Variants in SMARCAD1 observed in about 807,000 individuals in gnomAD.
SMARCAD1 encodes SNF2 related chromatin remodeling ATPase with DExD box 1.
In SMARCAD1, 25 loss-of-function variants were observed where a neutral mutation model predicts 127.1. The ratio of observed to expected loss-of-function variants is 0.20; its 90% CI spans 0.14 to 0.27. The LOEUF (loss-of-function observed/expected upper bound fraction) is 0.27. SMARCAD1 is among the 10% of genes least tolerant of loss of function. The pLI, the probability that SMARCAD1 is intolerant of heterozygous loss-of-function variation, is 1.00. For missense variants in SMARCAD1, 807 were observed against 1,206.0 expected (o/e 0.67, Z 4.90); for synonymous variants, 400 against 396.9 (o/e 1.01, Z -0.09).
At chr4:94,244,789 TAC>T (rs1364356818) in intron 6 of SMARCAD1, among the ~76,000 whole-genome samples, 3 of 152,112 alleles carry the variant, frequency 2.0e-5, no homozygotes, top group South Asian at 2.1e-4. Context: ...TAAAAATTCT[TAC>T]AGTGTATCAA....
chr4:94,222,439 C>T (rs1424366306), intron 2 of SMARCAD1, among the ~76,000 whole-genome samples: 2 of 149,768 alleles, frequency 1.3e-5, no homozygotes, highest in African/African-American at 2.5e-5. Flanking sequence ...CTCACCCAGC[C>T]CCCCACCCCC....
chr4:94,291,265 G>A lies in SMARCAD1; in HGVS notation c.*1731G>A, dbSNP rs1478974235. The A allele has an allele frequency of 2.2e-6, 1 of 449,130 alleles. No individual in the cohort carries two copies. Among genetic ancestry groups the A allele is most frequent in the Non-Finnish European group, 4.4e-6 (1 of 225,424 alleles). 27.8% of individuals were successfully genotyped at this position (449,130 alleles called of 1,614,324 possible). ...TCCTGTAATGCGCTATTATGTCTTG[G>A]GCTTAATAAAAATATTTGTGATCAT... is the stretch of plus-strand genomic sequence containing the variant. On this transcript the variant is annotated 3_prime_UTR_variant, in exon 24 of 24. Coordinates refer to ENST00000354268, the MANE Select transcript of SMARCAD1 (RefSeq NM_020159.5).
intron 3 of SMARCAD1, among the ~76,000 whole-genome samples, chr4:94,228,267 A>C (rs113401705): frequency 6.6e-6 from 1 of 152,150 alleles, no homozygotes; most frequent in Non-Finnish European, 1.5e-5. Flanking sequence ...AAAAAAATGC[A>C]TTATCAACTC....
chr4:94,272,789 T>TTTTCTTTTCTTTTTTC (rs1752730544), intron 11 of SMARCAD1, among the ~76,000 whole-genome samples: 1 of 150,134 alleles, frequency 6.7e-6, no homozygotes, highest in Non-Finnish European at 1.5e-5. Flanking sequence ...AGGTTATTTC[T>TTTTCTTTTCTTTTTTC]TTTCTTTTCT....
At chr4:94,273,799 GA>G (rs1273396574) in intron 12 of SMARCAD1, 83 bp downstream of exon 12, 1 of 1,075,352 alleles carries the variant, frequency 9.3e-7, no homozygotes, top group African/African-American at 1.6e-5. Flanking sequence ...GTGTGTGTCG[GA>G]GGGGTGTTGT....
intron 5 of SMARCAD1, among the ~76,000 whole-genome samples, chr4:94,239,330 A>C (rs915744091): frequency 1.3e-5 from 2 of 149,266 alleles, no homozygotes; most frequent in African/African-American, 5.0e-5. Context: ...AGATCCAGAA[A>C]TTGTGACAGT....
intron 6 of SMARCAD1, among the ~76,000 whole-genome samples, chr4:94,243,208 G>A (rs990450611): frequency 6.6e-6 from 1 of 152,140 alleles, no homozygotes; most frequent in African/African-American, 2.4e-5. Flanking sequence ...CCAAGTGCTG[G>A]GATTACAGGC....
intron 9 of SMARCAD1, 145 bp downstream of exon 9, chr4:94,253,152 C>A (rs1749532744): frequency 6.5e-7 from 1 of 1,527,302 alleles, no homozygotes; most frequent in Non-Finnish European, 8.9e-7. Flanking sequence ...TCATTGTAAG[C>A]CAATAGTATT....
At chr4:94,283,035 T>C in intron 21 of SMARCAD1, 86 bp from the exon 22 acceptor site, 2 of 1,187,896 alleles carry the variant, frequency 1.7e-6, no homozygotes, top group Non-Finnish European at 2.4e-6. Context: ...TTCAGGTTTC[T>C]TTTTCATGTG....
Position 94,249,757 on chromosome 4 carries a change from T to C in SMARCAD1, c.807+2T>C. 4 of 1,511,666 alleles carry C rather than the reference T, an allele frequency of 2.6e-6. No homozygotes were observed. Among genetic ancestry groups the C allele is most frequent in the Non-Finnish European group, 3.7e-6 (4 of 1,087,350 alleles). The allele number at this position is 1,511,666 out of a possible 1,614,324, so 93.6% of individuals were successfully genotyped here. A position where few individuals can be genotyped will look rare whatever the true frequency, so the allele number is the denominator to read the frequency against. On this transcript the variant is annotated splice_donor_variant, in intron 7 of 23. Transcript: ENST00000354268. LOFTEE classifies it high-confidence loss of function. ...GAATTTCCCAATTTTGATAAACAGG[T>C]GAGTAGTCGTGTATGAAAATTTAAT...
chr4:94,244,717 G>A (rs916570425), intron 6 of SMARCAD1, among the ~76,000 whole-genome samples: 2 of 150,490 alleles, frequency 1.3e-5, no homozygotes, highest in African/African-American at 4.9e-5. Flanking sequence ...TTTTTACTTA[G>A]TTCTTCTCTG....
At chr4:94,243,909 A>T (rs1488629326) in intron 6 of SMARCAD1, among the ~76,000 whole-genome samples, 1 of 152,192 alleles carries the variant, frequency 6.6e-6, no homozygotes, top group Non-Finnish European at 1.5e-5. Context: ...ATGCAGAGGG[A>T]ATGTTTTGAG....
intron 9 of SMARCAD1, among the ~76,000 whole-genome samples, chr4:94,255,499 AGTT>A (rs1361091461): frequency 6.6e-6 from 1 of 151,948 alleles, no homozygotes; most frequent in Non-Finnish European, 1.5e-5. Context: ...ACATTTGAAA[AGTT>A]GTAGATCATT....
chr4:94,283,277 T>C lies in SMARCAD1; in HGVS notation c.2883T>C (p.Asp961=). 6.2e-7 allele frequency: 1 copy of C among 1,613,162 alleles called. No homozygotes were observed. The highest frequency in any genetic ancestry group is 1.1e-5 in the South Asian group (1 of 91,048). ...CTTATAATGACAAACAAGCAGAAGA[T>C]AGATGCCATAGAGTAGGCCAGACTA... ...CNPYNDKQAE[D]RCHRVGQTKE... is the part of the protein sequence containing the mutation. Residue 961 remains aspartate, a synonymous_variant, in exon 22 of 24, where the codon GAT becomes GAC. Transcript: ENST00000354268.
At chr4:94,231,364 A>G (rs748780894) in intron 3 of SMARCAD1, among the ~76,000 whole-genome samples, 3 of 152,222 alleles carry the variant, frequency 2.0e-5, no homozygotes, top group Non-Finnish European at 4.4e-5. Flanking sequence ...ATGCCTTAGC[A>G]GTGAGAGGGG....
intron 5 of SMARCAD1, among the ~76,000 whole-genome samples, chr4:94,240,478 A>C (rs1213190737): frequency 6.6e-6 from 1 of 152,216 alleles, no homozygotes; most frequent in Non-Finnish European, 1.5e-5. Flanking sequence ...AATAGTTTAT[A>C]AAAGACCTTG....
rs376753226 is a variant in SMARCAD1 at position 94,258,041 on chromosome 4, AT to A, written c.1281+5042del. 1.7e-3 allele frequency among the ~76,000 whole-genome samples: 238 copies of A among 138,610 alleles called. 1 individual carries two copies. The highest frequency in any genetic ancestry group is 0.015 in the Middle Eastern group (4 of 272). 90.9% of individuals were successfully genotyped at this position (138,610 alleles called of 152,430 possible). On this transcript the variant is annotated intron_variant, in intron 9 of 23. Transcript: ENST00000354268. ...ACTACATGATTTTTATTTTTTTCTC[AT>A]TTTTTTTCCTAGTTGTTATTTGTCT...
intron 10 of SMARCAD1, among the ~76,000 whole-genome samples, chr4:94,268,711 TACTTA>T (rs1420666557): frequency 1.3e-5 from 2 of 152,206 alleles, no homozygotes; most frequent in Admixed American, 6.5e-5. Context: ...TTGGGCAAGT[TACTTA>T]ACTTCTGTGA....
chr4:94,279,967 T>C (rs1753797853), intron 19 of SMARCAD1, among the ~76,000 whole-genome samples: 1 of 151,888 alleles, frequency 6.6e-6, no homozygotes, highest in South Asian at 2.1e-4. Flanking sequence ...CAGGTTCAAG[T>C]GATTGTCCTG....
Sources: gnomAD v4.1 joint callset for allele counts (sites outside exome capture counted in the v4.1 genomes callset) on GRCh38, gnomAD v4.1.1 for gene constraint, MANE v1.5 for transcripts, NCBI Gene and HGNC (gene_info 2026-07-23, HGNC 2026-07-21) for gene names.